The following ALG14 variants were observed in gnomAD, a reference collection of about 807,000 sequenced individuals.
ALG14 encodes the protein UDP-N-acetylglucosamine transferase subunit ALG14.
Under a neutral mutation model 22.8 loss-of-function variants are expected in ALG14, and 17 were observed. The observed-to-expected ratio is 0.75, with a 90% CI of 0.51 to 1.12. The LOEUF (loss-of-function observed/expected upper bound fraction) is 1.12, where lower values mean the gene tolerates loss of function less well. Ranked by LOEUF, ALG14 falls within the 50% of genes most tolerant of loss-of-function variation. ALG14 has a pLI of 0.00. For missense variants in ALG14, 288 were observed against 271.8 expected, an observed-to-expected ratio of 1.06 and a Z score of -0.42; for synonymous variants, 89 against 103.7, an observed-to-expected ratio of 0.86 and a Z score of 0.86.
chr1:94,985,007 G>C (rs1054902858), intron 3 of ALG14, among the ~76,000 whole-genome samples: 1 of 152,016 alleles, frequency 6.6e-6, no homozygotes, highest in African/African-American at 2.4e-5. Context: ...GCCAAAGTGA[G>C]CACAAGCAAG....
intron 3 of ALG14, among the ~76,000 whole-genome samples, chr1:94,994,442 G>A (rs1003759855): frequency 4.6e-5 from 7 of 152,118 alleles, no homozygotes; most frequent in Non-Finnish European, 1.0e-4. Flanking sequence ...GAGGAGTAAG[G>A]GAAACACACT....
intron 3 of ALG14, among the ~76,000 whole-genome samples, chr1:94,995,577 G>A (rs141930366): frequency 3.2e-4 from 48 of 152,346 alleles, no homozygotes; most frequent in Non-Finnish European, 6.3e-4. Context: ...GCTGAGCGTG[G>A]TGGCACGTGC....
At position 95,013,599 on chromosome 1, in the gene ALG14, G is replaced by A. The variant is rs142513101; in HGVS notation, c.420+13530C>T. 2.2e-3 allele frequency among the ~76,000 whole-genome samples: 333 copies of A among 152,218 alleles called. 3 individuals are homozygous for A. The highest frequency in any genetic ancestry group is 0.017 in the Middle Eastern group (5 of 294). On this transcript the variant is annotated intron_variant, in intron 3 of 3. Coordinates refer to ENST00000370205, the MANE Select transcript of ALG14 (RefSeq NM_144988.4). ...CTCCCAAAGTGTTGGGATTACAGGC[G>A]TGAGCCAACGTGCCTGGCCAGTTTC...
intron 3 of ALG14, among the ~76,000 whole-genome samples, chr1:95,000,483 CTG>C (rs1452244688): frequency 7.3e-6 from 1 of 137,822 alleles, no homozygotes; most frequent in Admixed American, 8.2e-5. Flanking sequence ...TTGCAGTGAG[CTG>C]TGTTCATGGC....
chr1:95,067,030 T>C (rs1386300666), intron 1 of ALG14: 1 of 152,196 alleles, frequency 6.6e-6, no homozygotes, highest in African/African-American at 2.4e-5. Flanking sequence ...TTATTTTTAT[T>C]TTTATTTTTT....
chr1:94,987,630 C>T (rs1436134992), intron 3 of ALG14, among the ~76,000 whole-genome samples: 2 of 152,112 alleles, frequency 1.3e-5, no homozygotes, highest in Non-Finnish European at 2.9e-5. Flanking sequence ...TGAAACATAA[C>T]ATTCTGCATG....
At chr1:95,007,723 A>C (rs1459718393) in intron 3 of ALG14, among the ~76,000 whole-genome samples, 3 of 152,234 alleles carry the variant, frequency 2.0e-5, no homozygotes, top group East Asian at 3.8e-4. Context: ...AACTTATGGA[A>C]ACTATAGCAG....
intron 1 of ALG14, among the ~76,000 whole-genome samples, chr1:95,066,662 A>G (rs1339541586): frequency 6.6e-6 from 1 of 152,202 alleles, no homozygotes; most frequent in Non-Finnish European, 1.5e-5. Context: ...CCTGTCACCC[A>G]TCTTCTTGAC....
At chr1:95,033,420 T>TACACACACACACAC (rs374040999) in intron 2 of ALG14, among the ~76,000 whole-genome samples, 29 of 139,628 alleles carry the variant, frequency 2.1e-4, no homozygotes, top group African/African-American at 7.8e-4. Flanking sequence ...TATATATATA[T>TACACACACACACAC]ACACACACAC....
At chr1:95,012,410 C>T (rs978187639) in intron 3 of ALG14, among the ~76,000 whole-genome samples, 4 of 152,192 alleles carry the variant, frequency 2.6e-5, no homozygotes, top group Non-Finnish European at 4.4e-5. Flanking sequence ...GAAGTAGACT[C>T]GGAACTGAAC....
At chr1:95,007,720 G>A (rs963358276) in intron 3 of ALG14, among the ~76,000 whole-genome samples, 12 of 152,198 alleles carry the variant, frequency 7.9e-5, no homozygotes, top group Non-Finnish European at 1.6e-4. Context: ...TTGAACTTAT[G>A]GAAACTATAG....
At chr1:95,009,031 T>C (rs1003191821) in intron 3 of ALG14, among the ~76,000 whole-genome samples, 1 of 152,108 alleles carries the variant, frequency 6.6e-6, no homozygotes, top group Admixed American at 6.5e-5. Context: ...ATTGTGTATA[T>C]ATACTACATT....
At position 95,065,015 on chromosome 1, in the gene ALG14, C is replaced by CA; in HGVS notation, c.138dup (p.Gly47TrpfsTer5). 6.2e-7 allele frequency: 1 copy of CA among 1,609,146 alleles called. No homozygotes were observed. The highest frequency in any genetic ancestry group is 8.5e-7 in the Non-Finnish European group (1 of 1,177,748). ...AGCCTCAGGATCTCAGTGGTATGCC[C>CA]ACCTGGAAAAAATATCAGAAGTCCT... On this transcript the variant is annotated frameshift_variant and splice_region_variant, in exon 2 of 4. Transcript: ENST00000370205. LOFTEE classifies it high-confidence loss of function.
At chr1:95,053,438 A>T (rs2100818072) in intron 2 of ALG14, among the ~76,000 whole-genome samples, 1 of 152,392 alleles carries the variant, frequency 6.6e-6, no homozygotes, top group African/African-American at 2.4e-5. Flanking sequence ...TTCACTACGT[A>T]GAATCAAATT....
chr1:95,069,484 C>A (rs922610745), intron 1 of ALG14, among the ~76,000 whole-genome samples: 1 of 152,162 alleles, frequency 6.6e-6, no homozygotes, highest in Non-Finnish European at 1.5e-5. Flanking sequence ...ATGGCTTTTT[C>A]TCTTTGGTGT....
intron 2 of ALG14, among the ~76,000 whole-genome samples, chr1:95,060,155 C>T (rs1675090786): frequency 6.6e-6 from 1 of 151,336 alleles, no homozygotes; most frequent in Non-Finnish European, 1.5e-5. Flanking sequence ...CACACACACA[C>T]ACACACACAC....
intron 2 of ALG14, among the ~76,000 whole-genome samples, chr1:95,060,708 T>C (rs1241224279): frequency 6.6e-6 from 1 of 151,882 alleles, no homozygotes; most frequent in African/African-American, 2.4e-5. Flanking sequence ...AAAGTGAGAC[T>C]CTGTTTAAAA....
In ALG14 at chr1:95,000,120, C is replaced by T. The variant is rs192464891; in HGVS notation, c.421-16814G>A. On this transcript the variant is annotated intron_variant, in intron 3 of 3. Coordinates refer to ENST00000370205, the MANE Select transcript of ALG14 (RefSeq NM_144988.4). The stretch of plus-strand genomic sequence containing the variant: ...TAAAAGTTCCTTCCTAAACTCACTG[C>T]CTATACTGTTATTCTTCATTATTGT... 2.0e-5 allele frequency among the ~76,000 whole-genome samples: 3 copies of T among 152,308 alleles called. No homozygotes were observed. In the East Asian group the frequency reaches 5.8e-4, roughly 29 times the overall value.
intron 3 of ALG14, among the ~76,000 whole-genome samples, chr1:95,009,355 C>T (rs1010820555): frequency 2.0e-5 from 3 of 151,958 alleles, no homozygotes; most frequent in African/African-American, 2.4e-5. Context: ...TTCACTATTT[C>T]ACTTATCATT....
Sources: gnomAD v4.1 joint callset for allele counts (sites outside exome capture counted in the v4.1 genomes callset) on GRCh38, gnomAD v4.1.1 for gene constraint, MANE v1.5 for transcripts, NCBI Gene and HGNC (gene_info 2026-07-23, HGNC 2026-07-21) for gene names.